Variants in GABRA2 observed in about 807,000 individuals in gnomAD.
The protein encoded by GABRA2 is gamma-aminobutyric acid type A receptor subunit alpha2, also known as gamma-aminobutyric acid receptor subunit alpha-2.
In GABRA2, 16 loss-of-function variants were observed where a neutral mutation model predicts 48.7. The observed-to-expected ratio is 0.33, with a 90% CI of 0.22 to 0.50. The LOEUF (loss-of-function observed/expected upper bound fraction) is 0.50, where lower values mean the gene tolerates loss of function less well. Among genes scored for constraint, GABRA2 ranks in the 20% least tolerant of loss-of-function variants. The probability of loss-of-function intolerance (pLI) is 0.98; values close to 1 mark genes in which losing one functional copy is unlikely to be tolerated. For synonymous variants in GABRA2, 185 were observed against 184.5 expected (o/e 1.00, Z -0.02); for missense variants, 275 against 535.6 (o/e 0.51, Z 4.80).
rs1305844234 is a variant in GABRA2 at position 46,248,410 on chromosome 4, G to GA, written c.*1897dup. Reference sequence around the variant, plus strand: ...GCACATTTTAAAACTAGGTGACAAAGAAAGTGTTACTGGAAGGGAATTAAA... The same window carrying GA: ...GCACATTTTAAAACTAGGTGACAAAGAAAAGTGTTACTGGAAGGGAATTAAA... On this transcript the variant is annotated 3_prime_UTR_variant, in exon 10 of 10. Coordinates refer to ENST00000381620, the MANE Select transcript of GABRA2 (RefSeq NM_000807.4). 1 of 151,368 alleles carries GA rather than the reference G, an allele frequency of 6.6e-6. No individual in the cohort carries two copies. Among genetic ancestry groups the GA allele is most frequent in the African/African-American group, 2.4e-5 (1 of 41,346 alleles). The allele number at this position is 151,368 out of a possible 1,614,324, so 9.4% of individuals were successfully genotyped here.
chr4:46,275,299 ACTTAAT>A (rs1720268408), intron 8 of GABRA2, among the ~76,000 whole-genome samples: 1 of 152,120 alleles, frequency 6.6e-6, no homozygotes, highest in Non-Finnish European at 1.5e-5. Context: ...ACTTTTTATG[ACTTAAT>A]CTTAACCAAT....
chr4:46,386,227 T>C (rs768849848), intron 2 of GABRA2, 38 bp from the exon 3 acceptor site: 4 of 1,261,004 alleles, frequency 3.2e-6, no homozygotes, highest in East Asian at 2.5e-5. Flanking sequence ...TATATACATA[T>C]GTGTGTTTTG....
chr4:46,345,787 C>T (rs1734047929), intron 3 of GABRA2, among the ~76,000 whole-genome samples: 2 of 151,828 alleles, frequency 1.3e-5, no homozygotes, highest in South Asian at 2.1e-4. Flanking sequence ...TTCGCTTACC[C>T]TAAGAAGGAA....
chr4:46,276,514 C>T (rs1225181783), intron 8 of GABRA2, among the ~76,000 whole-genome samples: 1 of 151,294 alleles, frequency 6.6e-6, no homozygotes, highest in Non-Finnish European at 1.5e-5. Context: ...CTAAAATTCA[C>T]CTCAAGTTCT....
In GABRA2 at chr4:46,368,908, C is replaced by G. The variant is rs1361951148; in HGVS notation, c.187+17166G>C. 5 of 658,938 alleles carry G rather than the reference C, an allele frequency of 7.6e-6. No homozygotes were observed. The African/African-American group carries it at 9.0e-5, about 12-fold the overall frequency. 40.8% of individuals were successfully genotyped at this position (658,938 alleles called of 1,614,324 possible). A position where few individuals can be genotyped will look rare whatever the true frequency, so the allele number is the denominator to read the frequency against. Reference sequence around the variant, plus strand: ...CAATCTCCATTATGCTCCACTCATTCCTTTATTTGTTCTGCCCATGGAGAG... The same window carrying G: ...CAATCTCCATTATGCTCCACTCATTGCTTTATTTGTTCTGCCCATGGAGAG... On this transcript the variant is annotated intron_variant, in intron 3 of 9. Coordinates refer to ENST00000381620, the MANE Select transcript of GABRA2 (RefSeq NM_000807.4).
intron 8 of GABRA2, among the ~76,000 whole-genome samples, chr4:46,277,002 TAAAAAG>T (rs1330475529): frequency 6.6e-6 from 1 of 152,084 alleles, no homozygotes; most frequent in African/African-American, 2.4e-5. Context: ...ATCTAAAAAT[TAAAAAG>T]AAATCACCAA....
chr4:46,347,562 C>G lies in GABRA2; in HGVS notation c.188-14880G>C, dbSNP rs539164004. 2.6e-5 allele frequency among the ~76,000 whole-genome samples: 4 copies of G among 151,820 alleles called. No individual in the cohort carries two copies. The South Asian group carries it at 6.2e-4, about 24-fold the overall frequency. On this transcript the variant is annotated intron_variant, in intron 3 of 9. Coordinates refer to ENST00000381620, the MANE Select transcript of GABRA2 (RefSeq NM_000807.4). ...CACATGCAGAAGAATGAAATTGGAC[C>G]CTTATCTTATCCCTGATACAAGAAT...
chr4:46,282,873 G>A (rs1434176406), intron 8 of GABRA2, among the ~76,000 whole-genome samples: 1 of 152,166 alleles, frequency 6.6e-6, no homozygotes, highest in African/African-American at 2.4e-5. Context: ...ACAAGTTTGT[G>A]TTTTAATTCC....
chr4:46,253,603 G>A (rs1490794998), intron 9 of GABRA2, among the ~76,000 whole-genome samples: 1 of 151,436 alleles, frequency 6.6e-6, no homozygotes, highest in Non-Finnish European at 1.5e-5. Flanking sequence ...TCAGAGTAGG[G>A]CTCAGAACTT....
At chr4:46,293,980 A>G (rs923497132) in intron 8 of GABRA2, among the ~76,000 whole-genome samples, 2 of 152,140 alleles carry the variant, frequency 1.3e-5, no homozygotes, top group Non-Finnish European at 2.9e-5. Flanking sequence ...ACAAATTAAC[A>G]CATCTCCTGG....
rs180841512 is a variant in GABRA2 at position 46,254,491 on chromosome 4, T to A, written c.1060-3887A>T. ...GCTAATTTCCTATTGCCTCATCTCA[T>A]GCTGTATTTCTACTTTAAGGCACCT... is the stretch of plus-strand genomic sequence containing the variant. On this transcript the variant is annotated intron_variant, in intron 9 of 9. Coordinates refer to ENST00000381620, the MANE Select transcript of GABRA2 (RefSeq NM_000807.4). 4.0e-5 allele frequency among the ~76,000 whole-genome samples: 6 copies of A among 151,640 alleles called. No individual in the cohort carries two copies. In the Admixed American group the frequency reaches 4.0e-4, roughly 10 times the overall value.
chr4:46,300,547 T>C (rs996422508), intron 8 of GABRA2, among the ~76,000 whole-genome samples: 2 of 152,042 alleles, frequency 1.3e-5, no homozygotes, highest in Non-Finnish European at 2.9e-5. Flanking sequence ...TATTTATCAA[T>C]AGTTTCTTCT....
intron 1 of GABRA2, chr4:46,389,487 CTA>C (rs1179680024): frequency 1.3e-6 from 1 of 791,412 alleles, no homozygotes; most frequent in Non-Finnish European, 1.5e-6. Context: ...AAGTTGAAGA[CTA>C]TAAAAGAGCC....
At chr4:46,286,510 G>T (rs145981969) in intron 8 of GABRA2, among the ~76,000 whole-genome samples, 1,765 of 152,094 alleles carry the variant, frequency 0.012, 37 homozygotes, top group African/African-American at 0.04. Context: ...GTCTAACTTT[G>T]TAAGGAGCCA....
At chr4:46,282,983 G>A (rs1721818378) in intron 8 of GABRA2, among the ~76,000 whole-genome samples, 1 of 152,178 alleles carries the variant, frequency 6.6e-6, no homozygotes, top group Non-Finnish European at 1.5e-5. Flanking sequence ...ACGCCACATA[G>A]TTTGGTAGTA....
chr4:46,328,517 T>A (rs1730785575), intron 4 of GABRA2, among the ~76,000 whole-genome samples: 1 of 152,076 alleles, frequency 6.6e-6, no homozygotes, highest in Non-Finnish European at 1.5e-5. Flanking sequence ...GTTCTTTATT[T>A]TTTTTCTTAT....
intron 3 of GABRA2, among the ~76,000 whole-genome samples, chr4:46,382,004 T>C (rs776980307): frequency 2.0e-5 from 3 of 152,088 alleles, no homozygotes; most frequent in Non-Finnish European, 2.9e-5. Context: ...CAAGAGATAT[T>C]TTGTTGAGTG....
rs183384327 is a variant in GABRA2 at position 46,261,609 on chromosome 4, G to A, written c.1059+317C>T. 391 of 448,056 alleles carry A rather than the reference G, an allele frequency of 8.7e-4. 2 individuals carry two copies. The highest frequency in any genetic ancestry group is 4.5e-3 in the South Asian group (115 of 25,430). 27.8% of individuals were successfully genotyped at this position (448,056 alleles called of 1,614,324 possible). On this transcript the variant is annotated intron_variant, in intron 9 of 9. Coordinates refer to ENST00000381620, the MANE Select transcript of GABRA2 (RefSeq NM_000807.4). The stretch of plus-strand genomic sequence containing the variant: ...AACTTTACTGCTTCAGATTCTTCAT[G>A]AGTAAAAATAAGAATAAGAAGGCAG...
chr4:46,281,254 T>C (rs1721479002), intron 8 of GABRA2, among the ~76,000 whole-genome samples: 1 of 152,204 alleles, frequency 6.6e-6, no homozygotes, highest in Non-Finnish European at 1.5e-5. Flanking sequence ...TGGATGTATG[T>C]ATCTGGAGTT....
Sources: gnomAD v4.1 joint callset for allele counts (sites outside exome capture counted in the v4.1 genomes callset) on GRCh38, gnomAD v4.1.1 for gene constraint, MANE v1.5 for transcripts, NCBI Gene and HGNC (gene_info 2026-07-23, HGNC 2026-07-21) for gene names.